DPYSL3: variants seen among roughly 807,000 people sequenced by gnomAD.
DPYSL3 encodes dihydropyrimidinase-related protein 3.
Under a neutral mutation model 66.1 loss-of-function variants are expected in DPYSL3, and 16 were observed. The observed-to-expected ratio is 0.24, with a 90% CI of 0.16 to 0.37. The LOEUF (loss-of-function observed/expected upper bound fraction) is 0.37, where lower values mean the gene tolerates loss of function less well. Ranked by LOEUF, DPYSL3 falls within the 10% of genes least tolerant of loss-of-function variation. The pLI, the probability that DPYSL3 is intolerant of heterozygous loss-of-function variation, is 1.00. For missense variants in DPYSL3, 738 were observed against 916.2 expected (o/e 0.81, Z 2.51); for synonymous variants, 338 against 345.1 (o/e 0.98, Z 0.23).
chr5:147,400,971 A>G, intron 9 of DPYSL3, 138 bp from the exon 10 acceptor site: 1 of 1,164,144 alleles, frequency 8.6e-7, no homozygotes, highest in Non-Finnish European at 1.2e-6. Context: ...CTTACTAGAT[A>G]TATGAGCTTG....
At chr5:147,433,917 CTA>C (rs979738042) in intron 1 of DPYSL3, among the ~76,000 whole-genome samples, 56 of 151,912 alleles carry the variant, frequency 3.7e-4, no homozygotes, top group African/African-American at 1.3e-3. Context: ...GTAATCCCAG[CTA>C]CTCAGGAGGC....
chr5:147,422,613 G>A (rs146943757), intron 2 of DPYSL3, among the ~76,000 whole-genome samples: 261 of 152,192 alleles, frequency 1.7e-3, no homozygotes, highest in African/African-American at 5.8e-3. Flanking sequence ...AATGCCCATT[G>A]ATGACAGACT....
chr5:147,448,188 C>T (rs1581199840), intron 1 of DPYSL3, among the ~76,000 whole-genome samples: 1 of 151,634 alleles, frequency 6.6e-6, no homozygotes. Context: ...TATGAAGAAA[C>T]AGCTGAAAGG....
At chr5:147,394,370 A>G (rs577552835) in intron 13 of DPYSL3, among the ~76,000 whole-genome samples, 1 of 152,304 alleles carries the variant, frequency 6.6e-6, no homozygotes, top group African/African-American at 2.4e-5. Flanking sequence ...AGAGCATGAT[A>G]ATAATACTGG....
intron 1 of DPYSL3, among the ~76,000 whole-genome samples, chr5:147,491,106 G>C (rs1298447262): frequency 6.6e-6 from 1 of 152,172 alleles, no homozygotes; most frequent in East Asian, 1.9e-4. Context: ...CCTACTTGGA[G>C]AACAAAATAA....
At chr5:147,487,034 C>T (rs1362000920) in intron 1 of DPYSL3, among the ~76,000 whole-genome samples, 5 of 152,116 alleles carry the variant, frequency 3.3e-5, no homozygotes, top group Admixed American at 6.6e-5. Context: ...CTATTAACTC[C>T]GAGAGGCCTT....
rs1490688230 is a variant in DPYSL3 at position 147,496,199 on chromosome 5, T to C, written c.381+13279A>G. 1.6e-4 allele frequency among the ~76,000 whole-genome samples: 25 copies of C among 152,252 alleles called. No homozygotes were observed. The East Asian group carries it at 1.7e-3, about 11-fold the overall frequency. On this transcript the variant is annotated intron_variant, in intron 1 of 13. Coordinates refer to ENST00000343218, the MANE Select transcript of DPYSL3 (RefSeq NM_001197294.2). ...GCTGGGAAAACTGGCTAGCCATATG[T>C]AGAAAGCTGAAACTGGATCCCTTCC... is the stretch of plus-strand genomic sequence containing the variant.
At chr5:147,457,663 G>A (rs1752873631) in intron 1 of DPYSL3, among the ~76,000 whole-genome samples, 1 of 152,224 alleles carries the variant, frequency 6.6e-6, no homozygotes, top group Non-Finnish European at 1.5e-5. Context: ...CAGTAGAGTA[G>A]AATTGGTACC....
intron 1 of DPYSL3, among the ~76,000 whole-genome samples, chr5:147,481,185 T>C (rs1753237709): frequency 6.6e-6 from 1 of 152,322 alleles, no homozygotes; most frequent in South Asian, 2.1e-4. Context: ...TGCCACATAA[T>C]AGCTGTGTGA....
At chr5:147,424,161 T>A (rs1752144633) in intron 2 of DPYSL3, among the ~76,000 whole-genome samples, 1 of 152,124 alleles carries the variant, frequency 6.6e-6, no homozygotes. Context: ...GTAACCAAAA[T>A]CTTTAACTAG....
intron 1 of DPYSL3, among the ~76,000 whole-genome samples, chr5:147,476,790 ATTTAT>A (rs1383317330): frequency 1.3e-5 from 2 of 152,178 alleles, no homozygotes; most frequent in Admixed American, 6.5e-5. Context: ...TATTTTAGGC[ATTTAT>A]TTTATTTTAT....
chr5:147,450,067 CA>C (rs1239713737), intron 1 of DPYSL3, among the ~76,000 whole-genome samples: 1 of 152,070 alleles, frequency 6.6e-6, no homozygotes, highest in Non-Finnish European at 1.5e-5. Flanking sequence ...GCGGAGACAC[CA>C]AAAAGAGTGT....
intron 3 of DPYSL3, among the ~76,000 whole-genome samples, chr5:147,418,056 G>A (rs936982725): frequency 1.3e-5 from 2 of 152,126 alleles, no homozygotes; most frequent in Non-Finnish European, 2.9e-5. Flanking sequence ...CTCCATTCAC[G>A]CTGCTCTGCC....
intron 1 of DPYSL3, among the ~76,000 whole-genome samples, chr5:147,469,615 A>T (rs1753056173): frequency 6.6e-6 from 1 of 152,210 alleles, no homozygotes; most frequent in Non-Finnish European, 1.5e-5. Context: ...AACCCAATCA[A>T]AAGATAGCCA....
chr5:147,479,266 A>G (rs1753203431), intron 1 of DPYSL3, among the ~76,000 whole-genome samples: 1 of 152,238 alleles, frequency 6.6e-6, no homozygotes, highest in African/African-American at 2.4e-5. Flanking sequence ...TAGAGCTAAT[A>G]AAACACTGAG....
intron 1 of DPYSL3, among the ~76,000 whole-genome samples, chr5:147,431,018 T>C (rs955729329): frequency 6.6e-6 from 1 of 152,218 alleles, no homozygotes; most frequent in Non-Finnish European, 1.5e-5. Context: ...ACCTTCTCAG[T>C]GGGGATTCAA....
intron 1 of DPYSL3, among the ~76,000 whole-genome samples, chr5:147,480,703 A>ATTATTAT (rs1554116785): frequency 1.6e-4 from 23 of 142,464 alleles, no homozygotes; most frequent in South Asian, 2.3e-4. Context: ...GAATATATAT[A>ATTATTAT]TATTATTATT....
chr5:147,453,961 C>A, intron 1 of DPYSL3: 1 of 284,080 alleles, frequency 3.5e-6, no homozygotes. Flanking sequence ...GCATCTGCCT[C>A]ACCCACTTTT....
At chr5:147,419,782 C>T (rs1385660198) in intron 2 of DPYSL3, among the ~76,000 whole-genome samples, 1 of 152,146 alleles carries the variant, frequency 6.6e-6, no homozygotes, top group Non-Finnish European at 1.5e-5. Flanking sequence ...TTCAACTTTA[C>T]CACATCACCA....
Sources: gnomAD v4.1 joint callset for allele counts (sites outside exome capture counted in the v4.1 genomes callset) on GRCh38, gnomAD v4.1.1 for gene constraint, MANE v1.5 for transcripts, NCBI Gene and HGNC (gene_info 2026-07-23, HGNC 2026-07-21) for gene names.